ANK2: variants seen among roughly 807,000 people sequenced by gnomAD.
ANK2 encodes ankyrin 2.
In ANK2, 83 loss-of-function variants were observed where a neutral mutation model predicts 360.5. That is an observed-to-expected ratio of 0.23 (90% CI 0.19 to 0.28). ANK2 has a LOEUF of 0.28. ANK2 is among the 10% of genes least tolerant of loss of function. The pLI, the probability that ANK2 is intolerant of heterozygous loss-of-function variation, is 1.00. For synonymous variants in ANK2, 1,740 were observed against 1,759.5 expected, an observed-to-expected ratio of 0.99 and a Z score of 0.28; for missense variants, 4,201 against 4,795.7, an observed-to-expected ratio of 0.88 and a Z score of 3.66.
At chr4:113,203,081 T>C (rs1374653129) in intron 4 of ANK2, among the ~76,000 whole-genome samples, 1 of 152,074 alleles carries the variant, frequency 6.6e-6, no homozygotes, top group African/African-American at 2.4e-5. Context: ...AATCATAGAG[T>C]TGAGGAATGT....
intron 1 of ANK2, among the ~76,000 whole-genome samples, chr4:113,061,066 C>A (rs1350699199): frequency 2.6e-5 from 4 of 152,088 alleles, no homozygotes; most frequent in Admixed American, 2.6e-4. Context: ...TGGCCTATTA[C>A]ATGGGGCAGT....
Position 113,049,672 on chromosome 4 carries a change from G to A in ANK2, c.-57G>A. The A allele has an allele frequency of 1.9e-6, 3 of 1,579,724 alleles. No homozygotes were observed. Among genetic ancestry groups the A allele is most frequent in the Non-Finnish European group, 2.6e-6 (3 of 1,160,202 alleles). On this transcript the variant is annotated 5_prime_UTR_variant, in exon 1 of 46. Coordinates refer to ENST00000357077, the MANE Select transcript of ANK2 (RefSeq NM_001148.6). Reference sequence around the variant, plus strand: ...TCCAGTAAGTGCATACCCGCTAGTGGTCTGTACAGGCGGCACGGTTTGATG... The same window carrying A: ...TCCAGTAAGTGCATACCCGCTAGTGATCTGTACAGGCGGCACGGTTTGATG...
rs748654930 is a variant in ANK2, at chr4:113,049,741, G to A, written c.13G>A (p.Asp5Asn). The A allele has an allele frequency of 1.3e-6, 2 of 1,599,070 alleles. No homozygotes were observed. The highest frequency in any genetic ancestry group is 2.2e-5 in the South Asian group (2 of 90,848). Residue 5 changes from aspartate to asparagine, a missense_variant, in exon 1 of 46, where the codon GAT becomes AAT. Physicochemically the swap from Asp to Asn is conservative, Grantham distance 23. Around this residue, in one of 4 missense-constraint regions of ANK2, gnomAD observed 169 missense variants for 191.1 expected, o/e 0.88. Transcript: ENST00000357077. Reference protein sequence around the residue: MMNEDAAQKSDSGEK... With the variant: MMNENAAQKSDSGEK... ...CAAACTGTTCAAAATGATGAACGAA[G>A]ATGCAGCTCAGAAAAGCGACAGTGG...
chr4:113,132,293 TTA>T (rs2096093148), intron 1 of ANK2, among the ~76,000 whole-genome samples: 1 of 152,136 alleles, frequency 6.6e-6, no homozygotes, highest in South Asian at 2.1e-4. Context: ...ATTTCCGTTT[TTA>T]TATGTTTTAA....
chr4:113,363,290 T>C, intron 39 of ANK2, 48 bp from the exon 40 acceptor site: 1 of 1,597,350 alleles, frequency 6.3e-7, no homozygotes, highest in Middle Eastern at 1.8e-4. Flanking sequence ...ATGTAGAGAC[T>C]GAAACCTTGA....
the ANK2 span, among the ~76,000 whole-genome samples, chr4:112,765,188 G>A: frequency 6.6e-6 from 1 of 152,256 alleles, no homozygotes; most frequent in Non-Finnish European, 1.5e-5. Context: ...CTACATCAAA[G>A]AAAAGTGACA....
the ANK2 span, among the ~76,000 whole-genome samples, chr4:112,740,865 C>A: frequency 6.6e-6 from 1 of 152,038 alleles, no homozygotes; most frequent in Non-Finnish European, 1.5e-5. Context: ...TCGTGGGCAC[C>A]CATAGTCCCT....
rs559306958 is a variant in ANK2, at chr4:112,861,647, G to C, written c.-39-42808G>C. On this transcript the variant is annotated intron_variant, in intron 1 of 30. Transcript: ENST00000503271. ...AATAGGGTATCTACAGGAGTATTGA[G>C]AGTATTAAATAAAATTTAGTGACAT... Among the ~76,000 whole-genome samples, 16 of 152,310 alleles carry C rather than the reference G, an allele frequency of 1.1e-4. No homozygotes were observed. In the South Asian group the frequency reaches 2.5e-3, roughly 24 times the overall value.
intron 2 of ANK2, among the ~76,000 whole-genome samples, chr4:113,186,076 T>TG (rs2098515930): frequency 6.6e-6 from 1 of 152,190 alleles, no homozygotes; most frequent in South Asian, 2.1e-4. Context: ...CCTCCTCAAG[T>TG]GGGTCCCTGA....
chr4:112,921,837 T>C (rs1258960184), intron 2 of ANK2, among the ~76,000 whole-genome samples: 2 of 152,232 alleles, frequency 1.3e-5, no homozygotes, highest in Non-Finnish European at 2.9e-5. Context: ...AATTAGGCTT[T>C]AATTCATTTG....
intron 1 of ANK2, among the ~76,000 whole-genome samples, chr4:113,173,004 G>A (rs533017691): frequency 2.6e-5 from 4 of 152,312 alleles, no homozygotes; most frequent in South Asian, 2.1e-4. Flanking sequence ...CAGACTTCAG[G>A]AAGGATGAAG....
chr4:112,845,157 A>G (rs1338655998), intron 1 of ANK2, among the ~76,000 whole-genome samples: 1 of 152,196 alleles, frequency 6.6e-6, no homozygotes, highest in Non-Finnish European at 1.5e-5. Context: ...ATTTTGGTAA[A>G]ATCTGTACTT....
At chr4:113,205,640 T>C (rs1452612472) in intron 4 of ANK2, among the ~76,000 whole-genome samples, 1 of 152,232 alleles carries the variant, frequency 6.6e-6, no homozygotes, top group Non-Finnish European at 1.5e-5. Flanking sequence ...TTAATTCCAG[T>C]TGTAAGATTA....
At chr4:113,090,155 T>C (rs182668221) in intron 1 of ANK2, among the ~76,000 whole-genome samples, 131 of 152,326 alleles carry the variant, frequency 8.6e-4, no homozygotes, top group African/African-American at 3.2e-3. Context: ...CTCAAAAGAC[T>C]TTCCCAAAGA....
intron 1 of ANK2, among the ~76,000 whole-genome samples, chr4:113,143,007 CA>C (rs5861125): frequency 1.3e-3 from 192 of 148,752 alleles, no homozygotes; most frequent in African/African-American, 3.9e-3. Context: ...TGTTAATCTG[CA>C]AAAAAAAAAG....
the ANK2 span, among the ~76,000 whole-genome samples, chr4:112,748,410 G>A: frequency 6.6e-6 from 1 of 152,156 alleles, no homozygotes; most frequent in South Asian, 2.1e-4. Context: ...CTCATAACAA[G>A]CCTAATGGAA....
chr4:113,360,951 C>A, intron 39 of ANK2, 54 bp downstream of exon 39: 2 of 1,479,612 alleles, frequency 1.4e-6, no homozygotes, highest in South Asian at 2.3e-5. Context: ...ATGCATCAGT[C>A]AGGTGTCATT....
intron 1 of ANK2, among the ~76,000 whole-genome samples, chr4:112,901,125 C>T (rs1446957369): frequency 1.3e-5 from 2 of 152,116 alleles, no homozygotes; most frequent in East Asian, 3.8e-4. Flanking sequence ...TGGAAGGCAC[C>T]TATATAATGC....
intron 2 of ANK2, among the ~76,000 whole-genome samples, chr4:112,928,624 G>T (rs142749933): frequency 2.5e-4 from 38 of 152,058 alleles, no homozygotes; most frequent in Middle Eastern, 6.8e-3. Flanking sequence ...CAAGACGACT[G>T]GTGTCCTTCT....
Sources: allele counts gnomAD v4.1 joint callset (sites outside exome capture counted in the v4.1 genomes callset), GRCh38; gene constraint gnomAD v4.1.1; regional missense constraint gnomAD v4.1.1; transcripts MANE v1.5; gene names NCBI Gene and HGNC (gene_info 2026-07-23, HGNC 2026-07-21).